Variants in ZSWIM7 observed in about 807,000 individuals in gnomAD.
The protein encoded by ZSWIM7 is zinc finger SWIM domain-containing protein 7.
In ZSWIM7, 22 loss-of-function variants were observed where a neutral mutation model predicts 21.1. The observed-to-expected ratio is 1.04, with a 90% confidence interval of 0.74 to 1.49. The LOEUF is 1.49. Among genes scored for constraint, ZSWIM7 ranks in the 40% most tolerant of loss-of-function variants. ZSWIM7 has a pLI of 0.00. For synonymous variants in ZSWIM7, 67 were observed against 66.5 expected (o/e 1.01, Z -0.04); for missense variants, 193 against 168.0 (o/e 1.15, Z -0.82).
At chr17:15,999,448 T>TC (rs1352535763) in intron 1 of ZSWIM7, 71 bp downstream of exon 1, 2 of 1,564,804 alleles carry the variant, frequency 1.3e-6, no homozygotes, top group South Asian at 2.3e-5. Context: ...GCCTCCTGCC[T>TC]CCCGGCCCGG....
chr17:15,992,179 A>G (rs1249387991), intron 2 of ZSWIM7, among the ~76,000 whole-genome samples: 1 of 152,064 alleles, frequency 6.6e-6, no homozygotes, highest in Non-Finnish European at 1.5e-5. Flanking sequence ...CACCCGCCTC[A>G]GCCTCCCAAA....
intron 1 of ZSWIM7, among the ~76,000 whole-genome samples, chr17:15,996,671 T>C (rs768299376): frequency 7.2e-5 from 11 of 151,816 alleles, no homozygotes; most frequent in Non-Finnish European, 1.0e-4. Context: ...GGCAACACAG[T>C]GAAACCCCGT....
intron 4 of ZSWIM7, among the ~76,000 whole-genome samples, chr17:15,978,579 C>T (rs965186095): frequency 1.3e-5 from 2 of 152,212 alleles, no homozygotes; most frequent in African/African-American, 4.8e-5. Context: ...GCCTGGGTGA[C>T]AGAGCCAGAC....
intron 1 of ZSWIM7, among the ~76,000 whole-genome samples, chr17:15,996,881 G>T (rs547968652): frequency 2.4e-4 from 37 of 151,258 alleles, no homozygotes; most frequent in Admixed American, 1.8e-3. Context: ...TACATGGGCC[G>T]GGTGCGGTGG....
At chr17:15,991,516 C>T (rs1970481930) in intron 2 of ZSWIM7, among the ~76,000 whole-genome samples, 1 of 152,148 alleles carries the variant, frequency 6.6e-6, no homozygotes, top group Admixed American at 6.5e-5. Context: ...TCTGTGGTCA[C>T]TAATTTTCTA....
Position 15,999,510 on chromosome 17 carries a change from GTCCC to G in ZSWIM7, c.76+5_76+8del. 6.3e-7 allele frequency: 1 copy of G among 1,598,572 alleles called. No homozygotes were observed. The highest frequency in any genetic ancestry group is 8.5e-7 in the Non-Finnish European group (1 of 1,178,016). On this transcript the variant is annotated splice_donor_5th_base_variant and intron_variant, in intron 1 of 4. Transcript: ENST00000399277. The stretch of plus-strand genomic sequence containing the variant: ...CATGGCGCAGCCACACACGACCTCG[GTCCC>G]GTACTTCGCGCGCTCTCCTGCACCG...
At chr17:15,988,644 A>T (rs562905701) in intron 2 of ZSWIM7, among the ~76,000 whole-genome samples, 2 of 150,950 alleles carry the variant, frequency 1.3e-5, no homozygotes, top group African/African-American at 4.9e-5. Flanking sequence ...GTGACACCCC[A>T]TCTCTAAAGA....
At chr17:15,979,621 A>AC (rs1301376559) in intron 4 of ZSWIM7, among the ~76,000 whole-genome samples, 19 of 118,282 alleles carry the variant, frequency 1.6e-4, no homozygotes, top group Middle Eastern at 0.013. Flanking sequence ...CGGGGGGCTG[A>AC]CCCCCCCACC....
intron 2 of ZSWIM7, among the ~76,000 whole-genome samples, chr17:15,992,358 A>T (rs7209094): frequency 0.63 from 95,240 of 151,718 alleles, 31,116 homozygotes; most frequent in African/African-American, 0.81. Flanking sequence ...AGTTGTATCA[A>T]CTGCAAATAA....
At chr17:15,982,619 G>GTTA (rs1001234266) in intron 3 of ZSWIM7, among the ~76,000 whole-genome samples, 27 of 152,222 alleles carry the variant, frequency 1.8e-4, no homozygotes, top group Admixed American at 7.8e-4. Context: ...ATATAATGCA[G>GTTA]TTATCCCAGT....
chr17:15,986,945 A>G, intron 3 of ZSWIM7: 1 of 165,998 alleles, frequency 6.0e-6, no homozygotes, highest in South Asian at 1.9e-4. Flanking sequence ...GATTGCTAAG[A>G]TAATGGATTT....
intron 1 of ZSWIM7, among the ~76,000 whole-genome samples, chr17:15,998,877 C>A (rs1970612649): frequency 6.6e-6 from 1 of 151,856 alleles, no homozygotes; most frequent in Admixed American, 6.6e-5. Flanking sequence ...GCCTCAGCCT[C>A]CTGAGTAGCT....
rs1024570953 is a variant in ZSWIM7, at chr17:15,977,842, C to G, written c.*205G>C. On this transcript the variant is annotated 3_prime_UTR_variant, in exon 5 of 5. Transcript: ENST00000399277. ...TGGCTCAGGGTATTTCTTGACAAGA[C>G]TGTACAGGGCTTCTCATCATACACA... 64 of 485,344 alleles carry G rather than the reference C, an allele frequency of 1.3e-4. No homozygotes were observed. Among genetic ancestry groups the G allele is most frequent in the African/African-American group, 1.2e-3 (62 of 51,938 alleles). The allele number at this position is 485,344 out of a possible 1,614,324, so 30.1% of individuals were successfully genotyped here.
At position 15,995,865 on chromosome 17, in the gene ZSWIM7, GA is replaced by G. The variant is rs563310265; in HGVS notation, c.77-2088del. On this transcript the variant is annotated intron_variant, in intron 1 of 4. Coordinates refer to ENST00000399277, the MANE Select transcript of ZSWIM7 (RefSeq NM_001042697.2). ...CCACTGTGTGCCCACACTGTGAAGT[GA>G]AAAAAAAAAAACTTTATCAGAAGAT... is the stretch of plus-strand genomic sequence containing the variant. Among the ~76,000 whole-genome samples the G allele has an allele frequency of 6.3e-3, 853 of 135,370 alleles. 6 individuals carry two copies. Among genetic ancestry groups the G allele is most frequent in the African/African-American group, 0.021 (784 of 37,608 alleles). 88.8% of individuals were successfully genotyped at this position (135,370 alleles called of 152,430 possible). A position where few individuals can be genotyped will look rare whatever the true frequency, so the allele number is the denominator to read the frequency against.
At chr17:15,984,804 T>C (rs769202422) in intron 3 of ZSWIM7, among the ~76,000 whole-genome samples, 4 of 152,248 alleles carry the variant, frequency 2.6e-5, no homozygotes, top group Non-Finnish European at 4.4e-5. Flanking sequence ...AGATTCACAG[T>C]GTTCCAGATA....
intron 2 of ZSWIM7, among the ~76,000 whole-genome samples, chr17:15,993,348 T>TTTTATTTTATTTA (rs1970508479): frequency 7.0e-6 from 1 of 142,358 alleles, no homozygotes; most frequent in South Asian, 2.2e-4. Flanking sequence ...TTATTTTTTA[T>TTTTATTTTATTTA]TTTATTTATT....
intron 1 of ZSWIM7, among the ~76,000 whole-genome samples, chr17:15,996,077 G>A (rs1208579043): frequency 2.0e-5 from 3 of 152,162 alleles, no homozygotes; most frequent in Non-Finnish European, 4.4e-5. Context: ...TGTAAGGGCA[G>A]AAAAAGAACT....
intron 4 of ZSWIM7, among the ~76,000 whole-genome samples, chr17:15,980,580 A>G (rs1262733022): frequency 2.6e-5 from 4 of 151,922 alleles, no homozygotes; most frequent in South Asian, 2.1e-4. Context: ...CATGGTCTGG[A>G]CTCTGATGAA....
chr17:15,983,406 A>G (rs2151622213), intron 3 of ZSWIM7, among the ~76,000 whole-genome samples: 1 of 151,174 alleles, frequency 6.6e-6, no homozygotes. Context: ...TTGAAAAAGC[A>G]CACCTTGCAT....
Sources: gnomAD v4.1 joint callset for allele counts (sites outside exome capture counted in the v4.1 genomes callset) on GRCh38, gnomAD v4.1.1 for gene constraint, MANE v1.5 for transcripts, NCBI Gene and HGNC (gene_info 2026-07-23, HGNC 2026-07-21) for gene names.